ALK: variants seen among roughly 807,000 people sequenced by gnomAD.
ALK encodes ALK receptor tyrosine kinase, also known as ALK tyrosine kinase receptor.
In ALK, 74 loss-of-function variants were observed where a neutral mutation model predicts 163.1. The observed-to-expected ratio is 0.45, with a 90% CI of 0.38 to 0.55. The LOEUF (loss-of-function observed/expected upper bound fraction) is 0.55. ALK is among the 20% of genes least tolerant of loss of function. ALK has a pLI of 0.00. For synonymous variants in ALK, 960 were observed against 843.2 expected (o/e 1.14, Z -2.40); for missense variants, 2,063 against 2,105.3 (o/e 0.98, Z 0.39).
chr2:29,831,555 T>C (rs1196750754), intron 1 of ALK, among the ~76,000 whole-genome samples: 1 of 152,200 alleles, frequency 6.6e-6, no homozygotes, highest in Admixed American at 6.5e-5. Context: ...TCCAACTCTG[T>C]TGATCCACAT....
intron 8 of ALK, among the ~76,000 whole-genome samples, chr2:29,312,162 G>A (rs1666714606): frequency 6.6e-6 from 1 of 152,110 alleles, no homozygotes; most frequent in Non-Finnish European, 1.5e-5. Context: ...GGAGAAGGCA[G>A]GCTCCAGCCT....
intron 3 of ALK, among the ~76,000 whole-genome samples, chr2:29,669,490 T>C (rs1423670238): frequency 6.6e-6 from 1 of 152,110 alleles, no homozygotes; most frequent in Non-Finnish European, 1.5e-5. Context: ...TGTGTGTCTT[T>C]TGTATGTGAA....
chr2:29,378,085 C>T (rs1668801399), intron 5 of ALK, among the ~76,000 whole-genome samples: 1 of 152,202 alleles, frequency 6.6e-6, no homozygotes, highest in Non-Finnish European at 1.5e-5. Context: ...TAGGCTCACA[C>T]AGGAGCTATC....
In ALK at chr2:29,523,898, ATCAATGAAAGCAATCG is replaced by A. The variant is rs1355630082; in HGVS notation, c.1154+8001_1154+8016del. Among the ~76,000 whole-genome samples the A allele has an allele frequency of 2.0e-3, 263 of 130,076 alleles. 4 individuals are homozygous for A. The highest frequency in any genetic ancestry group is 7.3e-3 in the African/African-American group (248 of 33,756). The allele number at this position is 130,076 out of a possible 152,430, so 85.3% of individuals were successfully genotyped here. A position where few individuals can be genotyped will look rare whatever the true frequency, so the allele number is the denominator to read the frequency against. On this transcript the variant is annotated intron_variant, in intron 4 of 28. Coordinates refer to ENST00000389048, the MANE Select transcript of ALK (RefSeq NM_004304.5). ...TTTTTTTTTTTTTTTTTTTATGCCC[ATCAATGAAAGCAATCG>A]TGAGTAAAAGTTGTACCTGCCAGGA...
chr2:29,383,635 A>C, intron 5 of ALK, 97 bp downstream of exon 5: 1 of 1,543,502 alleles, frequency 6.5e-7, no homozygotes, highest in South Asian at 1.1e-5. Context: ...ACTTTTCTTC[A>C]TAAGTGTGCA....
chr2:29,749,796 C>T (rs558934003), intron 1 of ALK, among the ~76,000 whole-genome samples: 1 of 152,316 alleles, frequency 6.6e-6, no homozygotes, highest in African/African-American at 2.4e-5. Context: ...GACACTTGTT[C>T]ATTGAGATCT....
intron 1 of ALK, among the ~76,000 whole-genome samples, chr2:29,762,924 TA>T (rs764816001): frequency 1.3e-4 from 20 of 151,914 alleles, no homozygotes; most frequent in Non-Finnish European, 2.4e-4. Flanking sequence ...CCATCTCTAC[TA>T]AAAATACAAA....
At chr2:29,711,766 C>A (rs1558454421) in intron 2 of ALK, among the ~76,000 whole-genome samples, 1 of 152,108 alleles carries the variant, frequency 6.6e-6, no homozygotes, top group African/African-American at 2.4e-5. Flanking sequence ...CCAAGGGCGA[C>A]CCCTACTTTT....
At chr2:29,784,322 C>T (rs1398356470) in intron 1 of ALK, among the ~76,000 whole-genome samples, 1 of 152,196 alleles carries the variant, frequency 6.6e-6, no homozygotes, top group African/African-American at 2.4e-5. Flanking sequence ...TATACATTTT[C>T]TATAATATTC....
At chr2:29,719,542 C>T (rs1447838902) in intron 1 of ALK, among the ~76,000 whole-genome samples, 1 of 152,150 alleles carries the variant, frequency 6.6e-6, no homozygotes, top group Non-Finnish European at 1.5e-5. Context: ...ATGTATCGAG[C>T]ACATATGGAC....
rs779222532 is a variant in ALK, at chr2:29,220,707, G to T, written c.3644C>A (p.Pro1215Gln). The T allele has an allele frequency of 1.2e-6, 2 of 1,613,408 alleles. No homozygotes were observed. The highest frequency in any genetic ancestry group is 1.7e-6 in the Non-Finnish European group (2 of 1,179,688). Residue 1215 changes from proline to glutamine, a missense_variant and splice_region_variant, in exon 23 of 29, where the codon CCG (proline) becomes CAG (glutamine). By Grantham distance (76) the Pro-to-Gln change is moderately conservative. Transcript: ENST00000389048. ...CAGCAAAGACTGGTTCTCACTCACC[G>T]GGCGAGGGCGGGTCTCTCGGAGGAA... Reference protein sequence around the residue: ...KSFLRETRPRPSQPSSLAMLD... With the variant: ...KSFLRETRPRQSQPSSLAMLD...
At chr2:29,447,867 G>A (rs1420028125) in intron 4 of ALK, among the ~76,000 whole-genome samples, 7 of 152,152 alleles carry the variant, frequency 4.6e-5, no homozygotes, top group East Asian at 1.9e-4. Flanking sequence ...TGAGTTTTTC[G>A]GCAAAATTTA....
At chr2:29,241,780 C>A (rs959173627) in intron 12 of ALK, among the ~76,000 whole-genome samples, 3 of 152,050 alleles carry the variant, frequency 2.0e-5, no homozygotes, top group Non-Finnish European at 4.4e-5. Flanking sequence ...CACGGCATCA[C>A]CCAATAGCCA....
intron 1 of ALK, among the ~76,000 whole-genome samples, chr2:29,881,116 C>T (rs1383617886): frequency 1.3e-5 from 2 of 152,182 alleles, no homozygotes; most frequent in Admixed American, 6.5e-5. Flanking sequence ...CTAGATGCAC[C>T]TGCAAATTGT....
intron 1 of ALK, among the ~76,000 whole-genome samples, chr2:29,825,968 A>C (rs1304123391): frequency 6.6e-6 from 1 of 152,204 alleles, no homozygotes. Context: ...TGGTAGCATG[A>C]CTGACAGTGC....
chr2:29,691,772 C>T (rs1678404584), intron 3 of ALK, among the ~76,000 whole-genome samples: 1 of 152,078 alleles, frequency 6.6e-6, no homozygotes, highest in Non-Finnish European at 1.5e-5. Flanking sequence ...GGAGGAGAAA[C>T]AGGTCACCAA....
In ALK at chr2:29,921,430, G is replaced by T. The variant is rs1322216826; in HGVS notation, c.-771C>A. 3 of 232,062 alleles carry T rather than the reference G, an allele frequency of 1.3e-5. No individual in the cohort carries two copies. Among genetic ancestry groups the T allele is most frequent in the Admixed American group, 5.6e-5 (1 of 17,756 alleles). The allele number at this position is 232,062 out of a possible 1,614,324, so 14.4% of individuals were successfully genotyped here. A position where few individuals can be genotyped will look rare whatever the true frequency, so the allele number is the denominator to read the frequency against. ...GGGCAGGGGCGCCCGAAATCTTGCC[G>T]CCCCCTCCTCACCCATCATCAGCGC... On this transcript the variant is annotated 5_prime_UTR_variant, in exon 1 of 29. Transcript: ENST00000389048.
intron 15 of ALK, among the ~76,000 whole-genome samples, chr2:29,230,033 C>T (rs982753795): frequency 6.6e-6 from 1 of 152,182 alleles, no homozygotes; most frequent in African/African-American, 2.4e-5. Context: ...CCAGGATATC[C>T]CCTATGCCTA....
At position 29,226,970 on chromosome 2, in the gene ALK, A is replaced by C. The variant is rs1573131702; in HGVS notation, c.3019T>G (p.Phe1007Val). The C allele has an allele frequency of 1.2e-6, 2 of 1,614,214 alleles. No homozygotes were observed. The highest frequency in any genetic ancestry group is 3.3e-4 in the Middle Eastern group (2 of 6,062). The change falls in exon 18 of 29, where the codon TTC becomes GTC. Residue 1007 changes from phenylalanine to valine, a missense_variant. Physicochemically the swap from Phe to Val is conservative, Grantham distance 50. Coordinates refer to ENST00000389048, the MANE Select transcript of ALK (RefSeq NM_004304.5). ...GCCAGCACCGTCCCGTGGTCACAGA[A>C]GCAGATGACCTTGTGGCTTTCAGGG... ...MDPESHKVICFCDHGTVLAED... is the reference protein window; with the variant it reads ...MDPESHKVICVCDHGTVLAED...
Sources: allele counts gnomAD v4.1 joint callset (sites outside exome capture counted in the v4.1 genomes callset), GRCh38; gene constraint gnomAD v4.1.1; transcripts MANE v1.5; gene names NCBI Gene and HGNC (gene_info 2026-07-23, HGNC 2026-07-21).